The following VWF variants were observed in gnomAD, a reference collection of about 807,000 sequenced individuals.
VWF encodes von Willebrand factor.
In VWF, 176 loss-of-function variants were observed where a neutral mutation model predicts 308.6. The observed-to-expected ratio is 0.57, with a 90% confidence interval of 0.50 to 0.65. The LOEUF (loss-of-function observed/expected upper bound fraction) is 0.65, where lower values mean the gene tolerates loss of function less well. Ranked by LOEUF, VWF falls within the 30% of genes least tolerant of loss-of-function variation. The pLI is 0.00. For missense variants in VWF, 3,146 were observed against 3,648.2 expected (o/e 0.86, Z 3.55); for synonymous variants, 1,385 against 1,443.4 (o/e 0.96, Z 0.92).
chr12:5,988,972 T>C (rs1211900396), intron 38 of VWF, among the ~76,000 whole-genome samples: 1 of 152,198 alleles, frequency 6.6e-6, no homozygotes, highest in East Asian at 1.9e-4. Context: ...AAGCAATTCA[T>C]CATGCACCAC....
At chr12:5,952,633 C>T (rs575892815) in intron 48 of VWF, 114 bp from the exon 49 acceptor site, 2 of 1,418,406 alleles carry the variant, frequency 1.4e-6, no homozygotes, top group South Asian at 1.2e-5. Context: ...AACCATGAAA[C>T]AAGAAGACAG....
At chr12:5,977,855 G>A (rs1443246541) in intron 42 of VWF, among the ~76,000 whole-genome samples, 6 of 149,830 alleles carry the variant, frequency 4.0e-5, no homozygotes, top group Admixed American at 4.0e-4. Context: ...GGGTGACAGA[G>A]CAAGACCCTA....
chr12:6,034,894 G>C, intron 19 of VWF, 68 bp from the exon 20 acceptor site: 2 of 1,594,914 alleles, frequency 1.3e-6, no homozygotes, highest in Non-Finnish European at 1.7e-6. Context: ...CTGGGCCATG[G>C]AGGCAATGAA....
chr12:6,002,451 T>C (rs943545153), intron 34 of VWF, among the ~76,000 whole-genome samples: 3 of 151,960 alleles, frequency 2.0e-5, no homozygotes, highest in African/African-American at 7.2e-5. Context: ...ATTTTACTTG[T>C]ACCCTAGAGT....
intron 5 of VWF, among the ~76,000 whole-genome samples, chr12:6,109,982 T>C (rs1224165134): frequency 6.6e-6 from 1 of 152,166 alleles, no homozygotes; most frequent in East Asian, 1.9e-4. Flanking sequence ...TTACTTTCTA[T>C]TGCTCGTGAA....
Position 5,981,942 on chromosome 12 carries a change from C to A in VWF, c.7131G>T (p.Pro2377=). The A allele has an allele frequency of 3.0e-6, 2 of 671,232 alleles. No homozygotes were observed. Among genetic ancestry groups the A allele is most frequent in the Non-Finnish European group, 5.1e-6 (2 of 393,252 alleles). The allele number at this position is 671,232 out of a possible 1,614,324, so 41.6% of individuals were successfully genotyped here. The part of the protein sequence containing the change: ...CKRVSPPSCP[P]HRLPTLRKTQ... ...TCTTCCGAAGGGTGGGCAAACGGTG[C>A]GGGGGGCAGGAGGGTGGGGACACTC... The change falls in exon 42 of 52, where the codon CCG becomes CCT. Residue 2377 remains proline (P), a synonymous_variant. Transcript: ENST00000261405.
intron 6 of VWF, among the ~76,000 whole-genome samples, chr12:6,088,437 C>T (rs2136489975): frequency 1.3e-5 from 2 of 149,560 alleles, no homozygotes; most frequent in African/African-American, 2.5e-5. Context: ...CAAGATCGCA[C>T]TACTGCACTC....
chr12:6,029,559 C>A, intron 21 of VWF, 71 bp from the exon 22 acceptor site: 1 of 1,589,142 alleles, frequency 6.3e-7, no homozygotes, highest in Non-Finnish European at 8.6e-7. Context: ...TCCCTCCACT[C>A]TACACCTGCC....
chr12:6,094,045 G>A (rs1271142672), intron 6 of VWF, among the ~76,000 whole-genome samples: 1 of 152,152 alleles, frequency 6.6e-6, no homozygotes, highest in African/African-American at 2.4e-5. Flanking sequence ...TGACCACAGA[G>A]GCAGAAATTG....
intron 16 of VWF, among the ~76,000 whole-genome samples, chr12:6,047,186 C>T (rs1333724151): frequency 6.6e-6 from 1 of 152,140 alleles, no homozygotes; most frequent in African/African-American, 2.4e-5. Context: ...TCCCCAGGCT[C>T]TGTCCTAGGC....
intron 6 of VWF, among the ~76,000 whole-genome samples, chr12:6,085,833 C>G (rs1366569497): frequency 1.3e-5 from 2 of 152,092 alleles, no homozygotes; most frequent in Non-Finnish European, 2.9e-5. Context: ...ACTACCATGG[C>G]ACATGTATGC....
intron 32 of VWF, among the ~76,000 whole-genome samples, chr12:6,013,188 C>T (rs533355119): frequency 6.6e-6 from 1 of 152,076 alleles, no homozygotes; most frequent in Middle Eastern, 3.2e-3. Context: ...ATTCTTTTGT[C>T]CAAGATCCCT....
In VWF at chr12:6,064,341, A is replaced by G; in HGVS notation, c.1337T>C (p.Val446Ala). Residue 446 changes from valine (V) to alanine (A), a missense_variant, in exon 12 of 52, where the codon GTC (valine) becomes GCC (alanine). By Grantham distance (64) the Val-to-Ala change is moderately conservative. This residue lies in a region of VWF where 1,304 missense variants were observed against 1,353.0 expected (regional missense o/e 0.96). Transcript: ENST00000261405. ...RDAVCTRSVT[V>A]RLPGLHNSLV... is the part of the protein sequence containing the mutation. ...GCTGTTGTGCAGGCCAGGCAGCCGG[A>G]CGGTGACGGAGCGGGTGCACACAGC... 1.9e-6 allele frequency: 3 copies of G among 1,614,180 alleles called. No homozygotes were observed. The highest frequency in any genetic ancestry group is 2.5e-6 in the Non-Finnish European group (3 of 1,180,036).
At chr12:5,965,147 G>T (rs913250156) in intron 47 of VWF, among the ~76,000 whole-genome samples, 1 of 152,224 alleles carries the variant, frequency 6.6e-6, no homozygotes, top group South Asian at 2.1e-4. Context: ...TTTGATCACC[G>T]CAGGAAACAT....
chr12:6,037,076 T>C (rs1591875884), intron 18 of VWF, among the ~76,000 whole-genome samples: 1 of 152,304 alleles, frequency 6.6e-6, no homozygotes, highest in South Asian at 2.1e-4. Flanking sequence ...ATGCTGTTAA[T>C]TTTTAACACA....
rs1042560495 is a variant in VWF at position 6,056,767 on chromosome 12, A to G, written c.1945+90T>C. 18 of 1,159,536 alleles carry G rather than the reference A, an allele frequency of 1.6e-5. No individual in the cohort carries two copies. In the Admixed American group the frequency reaches 1.7e-4, roughly 11 times the overall value. 71.8% of individuals were successfully genotyped at this position (1,159,536 alleles called of 1,614,324 possible). A position where few individuals can be genotyped will look rare whatever the true frequency, so the allele number is the denominator to read the frequency against. On this transcript the variant is annotated intron_variant, in intron 15 of 51. Coordinates refer to ENST00000261405, the MANE Select transcript of VWF (RefSeq NM_000552.5). ...ACAATGCCCTACGCCCTCTTTCCACAGGAAACAACGCAGAGAAAGGGCTTC... is the reference window on the plus strand; with the variant it reads ...ACAATGCCCTACGCCCTCTTTCCACGGGAAACAACGCAGAGAAAGGGCTTC...
intron 22 of VWF, among the ~76,000 whole-genome samples, chr12:6,026,778 C>A (rs2136421789): frequency 6.6e-6 from 1 of 152,260 alleles, no homozygotes; most frequent in East Asian, 1.9e-4. Flanking sequence ...ATGTTCCCAA[C>A]ACAAAGAAAT....
intron 38 of VWF, among the ~76,000 whole-genome samples, chr12:5,990,978 G>C (rs1943735290): frequency 6.7e-6 from 1 of 148,294 alleles, no homozygotes; most frequent in South Asian, 2.1e-4. Flanking sequence ...ATTTCATATA[G>C]TGGAAAGAGC....
At chr12:6,047,311 C>T (rs216298) in intron 16 of VWF, among the ~76,000 whole-genome samples, 134,377 of 152,190 alleles carry the variant, frequency 0.88, 59,446 homozygotes, top group Middle Eastern at 0.91. Flanking sequence ...TATACTCAAA[C>T]GCCTACATGG....
Sources: gnomAD v4.1 joint callset for allele counts (sites outside exome capture counted in the v4.1 genomes callset) on GRCh38, gnomAD v4.1.1 for gene constraint, gnomAD v4.1.1 regional missense constraint, MANE v1.5 for transcripts, NCBI Gene and HGNC (gene_info 2026-07-23, HGNC 2026-07-21) for gene names.